Variants in BMP15 observed in about 807,000 individuals in gnomAD.
BMP15 encodes bone morphogenetic protein 15, also known as growth/differentiation factor 9B.
A neutral mutation model predicts 4.4 loss-of-function variants in BMP15; 5 were observed. That is an observed-to-expected ratio of 1.13 (90% CI 0.59 to 2.38). The LOEUF is 2.38. Among genes scored for constraint, BMP15 ranks in the 30% most tolerant of loss-of-function variants. The pLI, the probability that BMP15 is intolerant of heterozygous loss-of-function variation, is 0.01. For missense variants in BMP15, 339 were observed against 309.8 expected (o/e 1.09, Z -0.71); for synonymous variants, 125 against 114.6 (o/e 1.09, Z -0.58).
intron 1 of BMP15, among the ~76,000 whole-genome samples, 172 bp downstream of exon 1, chrX:50,911,283 C>A (rs1296962136): frequency 8.8e-6 from 1 of 113,217 alleles, no homozygotes; most frequent in African/African-American, 3.2e-5. Context: ...GCCAAGCCTA[C>A]TTCCCTTTAG....
At chrX:50,913,383 C>T (rs1485574336) in intron 1 of BMP15, among the ~76,000 whole-genome samples, 8 of 111,017 alleles carry the variant, frequency 7.2e-5, no homozygotes, top group African/African-American at 2.6e-4. Flanking sequence ...AACATTTGAG[C>T]CTGGGAGGTT....
chrX:50,916,035 C>T lies in BMP15; in HGVS notation c.607C>T (p.Leu203=), dbSNP rs781940193. 29 of 1,211,972 alleles carry T rather than the reference C, an allele frequency of 2.4e-5. No individual in the cohort carries two copies. In the Middle Eastern group the frequency reaches 6.9e-4, roughly 29 times the overall value. ...RFWNNKGHRI[L]RLRFMCQQQK... ...CTGGAATAACAAGGGACACAGGATC[C>T]TACGACTCCGTTTTATGTGTCAGCA... Residue 203 remains leucine, a synonymous_variant, in exon 2 of 2, where the codon CTA becomes TTA. Coordinates refer to ENST00000252677, the MANE Select transcript of BMP15 (RefSeq NM_005448.2).
intron 1 of BMP15, among the ~76,000 whole-genome samples, chrX:50,914,272 G>T (rs1025552632): frequency 3.7e-5 from 4 of 108,872 alleles, no homozygotes; most frequent in Non-Finnish European, 7.6e-5. Context: ...GCGCCCAGCC[G>T]GAATTTGAAC....
chrX:50,915,310 G>A (rs1557280253), intron 1 of BMP15, among the ~76,000 whole-genome samples: 1 of 111,324 alleles, frequency 9.0e-6, no homozygotes, highest in Non-Finnish European at 1.9e-5. Context: ...CACATTTAAT[G>A]GTCAACTAAT....
intron 1 of BMP15, among the ~76,000 whole-genome samples, chrX:50,914,128 G>A (rs1007163554): frequency 4.5e-5 from 5 of 111,410 alleles, no homozygotes; most frequent in Non-Finnish European, 9.4e-5. Context: ...CTGCCACCAC[G>A]CCCGGCTAAT....
In BMP15 at chrX:50,916,023, G is replaced by A. The variant is rs782378869; in HGVS notation, c.595G>A (p.Gly199Arg). The change falls in exon 2 of 2, where the codon GGA becomes AGA. Residue 199 changes from glycine (G) to arginine (R), a missense_variant. By Grantham distance (125) the Gly-to-Arg change is moderately radical. Transcript: ENST00000252677. ...TCAGCAAAGGTTCTGGAATAACAAG[G>A]GACACAGGATCCTACGACTCCGTTT... ...LVQQRFWNNK[G>R]HRILRLRFMC... The A allele has an allele frequency of 1.7e-5, 21 of 1,210,053 alleles. No individual in the cohort carries two copies. The highest frequency in any genetic ancestry group is 2.2e-5 in the Non-Finnish European group (20 of 895,267).
chrX:50,914,127 C>T (rs1266731315), intron 1 of BMP15, among the ~76,000 whole-genome samples: 1 of 111,615 alleles, frequency 9.0e-6, no homozygotes, highest in South Asian at 3.8e-4. Context: ...CCTGCCACCA[C>T]GCCCGGCTAA....
At chrX:50,914,052 C>G (rs1159297984) in intron 1 of BMP15, among the ~76,000 whole-genome samples, 6 of 111,694 alleles carry the variant, frequency 5.4e-5, no homozygotes, top group Non-Finnish European at 1.1e-4. Flanking sequence ...CTCACTACAA[C>G]CTCTGCCTCC....
intron 1 of BMP15, among the ~76,000 whole-genome samples, chrX:50,913,177 A>T (rs1298152615): frequency 8.1e-5 from 9 of 111,287 alleles, no homozygotes; most frequent in African/African-American, 2.9e-4. Flanking sequence ...GCAAAAAATC[A>T]AGCACTTTGG....
At chrX:50,912,402 C>G (rs1234543280) in intron 1 of BMP15, among the ~76,000 whole-genome samples, 5 of 111,757 alleles carry the variant, frequency 4.5e-5, no homozygotes, top group African/African-American at 1.6e-4. Flanking sequence ...TTTCCGACCT[C>G]TAGAAGTTCC....
At chrX:50,914,896 T>G (rs17003220) in intron 1 of BMP15, among the ~76,000 whole-genome samples, 4,897 of 111,399 alleles carry the variant, frequency 0.044, 196 homozygotes, top group African/African-American at 0.13. Context: ...AAAGCTCTTA[T>G]TCACAAAGCA....
At chrX:50,914,254 G>C (rs889891647) in intron 1 of BMP15, among the ~76,000 whole-genome samples, 5 of 112,075 alleles carry the variant, frequency 4.5e-5, no homozygotes, top group Non-Finnish European at 9.4e-5. Flanking sequence ...TTAGAGGCGT[G>C]AGCCACCGCG....
Position 50,916,241 on chromosome X carries a change from T to G in BMP15, c.813T>G (p.Gly271=), listed in dbSNP as rs782428082. ...SLLRRTRQAD[G]ISAEVTASSS... ...TCCGGAGAACCCGACAAGCAGATGG[T>G]ATCTCAGCTGAGGTTACTGCCTCTT... Residue 271 remains glycine (G), a synonymous_variant, in exon 2 of 2, where the codon GGT becomes GGG. Coordinates refer to ENST00000252677, the MANE Select transcript of BMP15 (RefSeq NM_005448.2). 1 of 1,211,302 alleles carries G rather than the reference T, an allele frequency of 8.3e-7. No homozygotes were observed.
intron 1 of BMP15, among the ~76,000 whole-genome samples, chrX:50,912,660 G>A (rs970755151): frequency 5.4e-5 from 6 of 111,550 alleles, no homozygotes; most frequent in African/African-American, 1.6e-4. Context: ...GGTGTGGGTA[G>A]AGATTCATTG....
intron 1 of BMP15, 151 bp downstream of exon 1, chrX:50,911,262 G>C: frequency 5.9e-6 from 4 of 681,675 alleles, no homozygotes; most frequent in Non-Finnish European, 6.7e-6. Context: ...GCAAGCTTTG[G>C]AGAAGCCAGC....
chrX:50,914,072 G>A (rs1042380670), intron 1 of BMP15, among the ~76,000 whole-genome samples: 13 of 111,689 alleles, frequency 1.2e-4, no homozygotes, highest in African/African-American at 3.6e-4. Context: ...CCGGGTGCAC[G>A]CCATTCTCCT....
chrX:50,915,764 G>A lies in BMP15; in HGVS notation c.336G>A (p.Trp112Ter). 1 of 1,211,193 alleles carries A rather than the reference G, an allele frequency of 8.3e-7. No homozygotes were observed. The highest frequency in any genetic ancestry group is 1.1e-6 in the Non-Finnish European group (1 of 895,298). ...TNVARPHRGT[W>*]HIQILGFPLR... Reference sequence around the variant, plus strand: ...TCCCTCTTACTTCTGCAGGTACCTGGCATATACAGATCCTGGGCTTTCCTC... The same window carrying A: ...TCCCTCTTACTTCTGCAGGTACCTGACATATACAGATCCTGGGCTTTCCTC... The change falls in exon 2 of 2, where the codon TGG (tryptophan) becomes TGA (stop). Residue 112 changes from tryptophan to a stop codon, truncating the protein, a stop_gained. Coordinates refer to ENST00000252677, the MANE Select transcript of BMP15 (RefSeq NM_005448.2). LOFTEE classifies it low-confidence loss of function (END_TRUNC).
chrX:50,914,215 G>A (rs938177240), intron 1 of BMP15, among the ~76,000 whole-genome samples: 16 of 111,430 alleles, frequency 1.4e-4, no homozygotes, highest in South Asian at 7.5e-4. Flanking sequence ...CAGGTGATCC[G>A]CCCGCCTCAG....
At position 50,915,827 on chromosome X, in the gene BMP15, C is replaced by T; in HGVS notation, c.399C>T (p.Ala133=). The T allele has an allele frequency of 8.3e-7, 1 of 1,211,364 alleles. No homozygotes were observed. Among genetic ancestry groups the T allele is most frequent in the Non-Finnish European group, 1.1e-6 (1 of 895,330 alleles). ...PNRGLYQLVR[A]TVVYRHHLQL... ...GAGGACTATACCAACTAGTTAGAGC[C>T]ACTGTGGTTTACCGCCATCATCTCC... The change falls in exon 2 of 2, where the codon GCC becomes GCT. Residue 133 remains alanine, a synonymous_variant. Coordinates refer to ENST00000252677, the MANE Select transcript of BMP15 (RefSeq NM_005448.2).
Sources: gnomAD v4.1 joint callset for allele counts (sites outside exome capture counted in the v4.1 genomes callset) on GRCh38, gnomAD v4.1.1 for gene constraint, MANE v1.5 for transcripts, NCBI Gene and HGNC (gene_info 2026-07-23, HGNC 2026-07-21) for gene names.